SLMAP: variants seen among roughly 807,000 people sequenced by gnomAD.
The protein encoded by SLMAP is sarcolemmal membrane-associated protein.
SLMAP carries 44 observed loss-of-function variants against 128.8 expected under a neutral mutation model. The observed-to-expected ratio is 0.34, with a 90% CI of 0.27 to 0.44. The LOEUF (loss-of-function observed/expected upper bound fraction) is 0.44, where lower values mean the gene tolerates loss of function less well. SLMAP is among the 20% of genes least tolerant of loss of function. The pLI, the probability that SLMAP is intolerant of heterozygous loss-of-function variation, is 1.00. For synonymous variants in SLMAP, 327 were observed against 348.8 expected (o/e 0.94, Z 0.70); for missense variants, 787 against 985.3 (o/e 0.80, Z 2.69).
intron 2 of SLMAP, among the ~76,000 whole-genome samples, chr3:57,761,163 GT>G (rs1264754504): frequency 6.6e-6 from 1 of 152,132 alleles, no homozygotes; most frequent in Admixed American, 6.6e-5. Flanking sequence ...CAGAGAGGGT[GT>G]TTAGTGGGGA....
At chr3:57,889,106 T>G (rs1173324866) in intron 14 of SLMAP, among the ~76,000 whole-genome samples, 2 of 152,152 alleles carry the variant, frequency 1.3e-5, no homozygotes, top group Non-Finnish European at 2.9e-5. Flanking sequence ...GGATGGTCTC[T>G]GTCTCCTGAC....
At chr3:57,842,931 GA>G (rs1484215526) in intron 4 of SLMAP, among the ~76,000 whole-genome samples, 1 of 152,156 alleles carries the variant, frequency 6.6e-6, no homozygotes, top group East Asian at 1.9e-4. Flanking sequence ...CTTGTTCTGT[GA>G]CTTGATCAGG....
chr3:57,902,259 A>G (rs999637178), intron 17 of SLMAP: 2 of 152,092 alleles, frequency 1.3e-5, no homozygotes, highest in African/African-American at 4.8e-5. Flanking sequence ...GTTTTTTTAT[A>G]TTTACATCTA....
At chr3:57,798,813 T>C (rs911084023) in intron 2 of SLMAP, among the ~76,000 whole-genome samples, 1 of 152,206 alleles carries the variant, frequency 6.6e-6, no homozygotes, top group African/African-American at 2.4e-5. Flanking sequence ...ACTTTTATAA[T>C]ATTATTTTAT....
At chr3:57,852,051 C>T (rs1239760837) in intron 6 of SLMAP, among the ~76,000 whole-genome samples, 1 of 151,660 alleles carries the variant, frequency 6.6e-6, no homozygotes, top group East Asian at 2.0e-4. Flanking sequence ...GCTGGGACTA[C>T]AGGCATGTGC....
intron 14 of SLMAP, among the ~76,000 whole-genome samples, chr3:57,887,614 A>G (rs750395501): frequency 5.9e-5 from 9 of 152,220 alleles, no homozygotes; most frequent in Non-Finnish European, 1.2e-4. Flanking sequence ...TGTCACTCAG[A>G]GATCTAGACA....
chr3:57,898,046 G>A (rs2096281349), intron 17 of SLMAP: 1 of 152,194 alleles, frequency 6.6e-6, no homozygotes. Flanking sequence ...GTAGCAGCCT[G>A]TGGAAATTTC....
At position 57,817,553 on chromosome 3, in the gene SLMAP, A is replaced by G. The variant is rs183639569; in HGVS notation, c.199-13830A>G. On this transcript the variant is annotated intron_variant, in intron 2 of 24. Transcript: ENST00000671191. ...AGGATTGGGAATACCCCAATCTTCA[A>G]AGAATTTGCCATATTCATGAGGAGT... Among the ~76,000 whole-genome samples, 32 of 152,346 alleles carry G rather than the reference A, an allele frequency of 2.1e-4. No individual in the cohort carries two copies. In the South Asian group the frequency reaches 2.9e-3, roughly 14 times the overall value.
intron 6 of SLMAP, among the ~76,000 whole-genome samples, chr3:57,852,590 T>C (rs958804214): frequency 2.0e-5 from 3 of 152,228 alleles, no homozygotes; most frequent in Non-Finnish European, 4.4e-5. Flanking sequence ...ATAGAATGTA[T>C]GCCATAAATG....
intron 2 of SLMAP, among the ~76,000 whole-genome samples, chr3:57,772,556 G>A (rs985582377): frequency 6.6e-6 from 1 of 152,126 alleles, no homozygotes; most frequent in Non-Finnish European, 1.5e-5. Flanking sequence ...GATGCCTTTG[G>A]CACTGTTGTT....
intron 2 of SLMAP, among the ~76,000 whole-genome samples, chr3:57,781,669 TTTAG>T (rs2083097269): frequency 6.6e-6 from 1 of 152,116 alleles, no homozygotes; most frequent in South Asian, 2.1e-4. Flanking sequence ...TATTTACCAT[TTTAG>T]TTCTTTTTAA....
At chr3:57,852,549 T>A (rs141475982) in intron 6 of SLMAP, among the ~76,000 whole-genome samples, 49 of 152,324 alleles carry the variant, frequency 3.2e-4, no homozygotes, top group African/African-American at 1.1e-3. Flanking sequence ...AAAATTAATA[T>A]ATGTAAAGCA....
chr3:57,841,651 A>G (rs1022784604), intron 4 of SLMAP, among the ~76,000 whole-genome samples: 5 of 152,134 alleles, frequency 3.3e-5, no homozygotes, highest in African/African-American at 4.8e-5. Flanking sequence ...GTTTTTCACA[A>G]TGTTTCAAGT....
chr3:57,894,204 C>T (rs563188743), intron 15 of SLMAP, among the ~76,000 whole-genome samples: 2 of 151,842 alleles, frequency 1.3e-5, no homozygotes, highest in Non-Finnish European at 2.9e-5. Flanking sequence ...CCACCATGTC[C>T]CTATCCCCAA....
chr3:57,798,543 A>C (rs1326234381), intron 2 of SLMAP, among the ~76,000 whole-genome samples: 1 of 152,194 alleles, frequency 6.6e-6, no homozygotes, highest in Non-Finnish European at 1.5e-5. Context: ...AATGGCATAA[A>C]ACCCAAGAGA....
intron 2 of SLMAP, among the ~76,000 whole-genome samples, chr3:57,773,352 A>G (rs1489581268): frequency 6.6e-6 from 1 of 152,242 alleles, no homozygotes; most frequent in Non-Finnish European, 1.5e-5. Context: ...AAGCCACATC[A>G]TGTACTATAT....
chr3:57,900,554 GCCTGTATT>G (rs2096354284), intron 17 of SLMAP: 1 of 152,250 alleles, frequency 6.6e-6, no homozygotes. Context: ...AGTGGCTCAT[GCCTGTATT>G]CCCAACACTA....
At chr3:57,886,511 T>G (rs1237249619) in intron 14 of SLMAP, among the ~76,000 whole-genome samples, 1 of 151,368 alleles carries the variant, frequency 6.6e-6, no homozygotes, top group Non-Finnish European at 1.5e-5. Context: ...ACCAGATTTT[T>G]AAAAACTGTA....
chr3:57,906,677 ATATATAT>A (rs1559516080), intron 17 of SLMAP, among the ~76,000 whole-genome samples: 20,536 of 80,754 alleles, frequency 0.25, 1,908 homozygotes, highest in East Asian at 0.48. Context: ...AAAAAAAAAT[ATATATAT>A]ATATATATAT....
Sources: allele counts gnomAD v4.1 joint callset (sites outside exome capture counted in the v4.1 genomes callset), GRCh38; gene constraint gnomAD v4.1.1; transcripts MANE v1.5; gene names NCBI Gene and HGNC (gene_info 2026-07-23, HGNC 2026-07-21).